The following PLCE1 variants were observed in gnomAD, a reference collection of about 807,000 sequenced individuals.
The protein encoded by PLCE1 is 1-phosphatidylinositol 4,5-bisphosphate phosphodiesterase epsilon-1.
Under a neutral mutation model 242.8 loss-of-function variants are expected in PLCE1, and 119 were observed. The observed-to-expected ratio is 0.49, with a 90% CI of 0.42 to 0.57. The LOEUF (loss-of-function observed/expected upper bound fraction) is 0.57, where lower values mean the gene tolerates loss of function less well. Ranked by LOEUF, PLCE1 falls within the 20% of genes least tolerant of loss-of-function variation. The probability of loss-of-function intolerance (pLI) is 0.00; values close to 1 mark genes in which losing one functional copy is unlikely to be tolerated. For missense variants in PLCE1, 2,441 were observed against 2,788.8 expected, an observed-to-expected ratio of 0.88 and a Z score of 2.81; for synonymous variants, 945 against 1,017.4, an observed-to-expected ratio of 0.93 and a Z score of 1.35.
chr10:94,048,912 G>T (rs1431483078), intron 2 of PLCE1, among the ~76,000 whole-genome samples: 1 of 151,134 alleles, frequency 6.6e-6, no homozygotes, highest in East Asian at 1.9e-4. Context: ...GGGACTACAG[G>T]CATGCATGCC....
chr10:94,209,615 T>C (rs2049270273), intron 4 of PLCE1, among the ~76,000 whole-genome samples: 1 of 152,194 alleles, frequency 6.6e-6, no homozygotes, highest in Non-Finnish European at 1.5e-5. Flanking sequence ...AATGTAGGTA[T>C]GTTCTATGAA....
chr10:94,275,326 C>T (rs2051902728), intron 19 of PLCE1, among the ~76,000 whole-genome samples: 1 of 152,126 alleles, frequency 6.6e-6, no homozygotes, highest in Non-Finnish European at 1.5e-5. Context: ...CTGTTCCTGA[C>T]AGGATATGGT....
intron 2 of PLCE1, among the ~76,000 whole-genome samples, chr10:94,115,167 T>C (rs1326450226): frequency 6.6e-6 from 1 of 151,850 alleles, no homozygotes; most frequent in African/African-American, 2.4e-5. Flanking sequence ...CAGTCTATCA[T>C]TGTTGGACAT....
rs1276570245 is a variant in PLCE1 at position 94,330,776 on chromosome 10, A to T, written c.*2833A>T. ...ATCTGATGTTGGCTGAAAATATTTA[A>T]GTTTTATTTAAAGCTTTCTGAATTA... On this transcript the variant is annotated 3_prime_UTR_variant, in exon 33 of 33. Transcript: ENST00000371380. The T allele has an allele frequency of 6.6e-6, 1 of 152,234 alleles. No homozygotes were observed. The highest frequency in any genetic ancestry group is 1.5e-5 in the Non-Finnish European group (1 of 68,042). The allele number at this position is 152,234 out of a possible 1,614,324, so 9.4% of individuals were successfully genotyped here. A position where few individuals can be genotyped will look rare whatever the true frequency, so the allele number is the denominator to read the frequency against.
intron 3 of PLCE1, among the ~76,000 whole-genome samples, chr10:94,160,447 C>T: frequency 6.6e-6 from 1 of 152,144 alleles, no homozygotes; most frequent in Non-Finnish European, 1.5e-5. Context: ...ATATACTTTG[C>T]CCACTTTTTG....
At chr10:94,247,615 C>G (rs1183624656) in intron 8 of PLCE1, among the ~76,000 whole-genome samples, 1 of 152,094 alleles carries the variant, frequency 6.6e-6, no homozygotes, top group Admixed American at 6.6e-5. Context: ...GGGTTAATTT[C>G]TTTAAGGTTG....
intron 2 of PLCE1, 69 bp from the exon 3 acceptor site, chr10:94,132,105 T>G: frequency 6.7e-7 from 1 of 1,493,224 alleles, no homozygotes. Flanking sequence ...TCTTGGCATT[T>G]TGTCAACAAG....
chr10:94,268,784 T>C (rs745382971), intron 16 of PLCE1, 145 bp from the exon 17 acceptor site: 6 of 672,448 alleles, frequency 8.9e-6, no homozygotes, highest in Non-Finnish European at 1.4e-5. Context: ...TTGGCAAAAA[T>C]GCCATGTTTG....
rs1405452061 is a variant in PLCE1, at chr10:94,324,440, C to A, written c.6593C>A (p.Thr2198Asn). 11 of 1,614,002 alleles carry A rather than the reference C, an allele frequency of 6.8e-6. No homozygotes were observed. Among genetic ancestry groups the A allele is most frequent in the Non-Finnish European group, 9.3e-6 (11 of 1,179,984 alleles). Residue 2198 changes from threonine (T) to asparagine (N), a missense_variant, in exon 31 of 33, where the codon ACC becomes AAC. Coordinates refer to ENST00000371380, the MANE Select transcript of PLCE1 (RefSeq NM_016341.4). ...TTGGAAGAGGTGGTGAAAGACACTA[C>A]CAACAAGAAGACTACCACACCAAAG... ...VLLEEVVKDTTNKKTTTPKSS... is the reference protein window; with the variant it reads ...VLLEEVVKDTNNKKTTTPKSS...
At chr10:94,089,416 T>A in intron 2 of PLCE1, 1 of 1,485,574 alleles carries the variant, frequency 6.7e-7, no homozygotes, top group Non-Finnish European at 9.1e-7. Flanking sequence ...CCAGTGTTCT[T>A]AATGCATGGA....
At chr10:94,088,355 T>G (rs964550870) in intron 2 of PLCE1, among the ~76,000 whole-genome samples, 1 of 152,230 alleles carries the variant, frequency 6.6e-6, no homozygotes, top group Non-Finnish European at 1.5e-5. Context: ...AGTCTCAAGC[T>G]AACCTCTAAT....
At position 94,030,813 on chromosome 10, in the gene PLCE1, T is replaced by C; in HGVS notation, c.-234T>C. The C allele has an allele frequency of 1.9e-6, 1 of 534,818 alleles. No homozygotes were observed. The highest frequency in any genetic ancestry group is 2.3e-5 in the South Asian group (1 of 44,190). The allele number at this position is 534,818 out of a possible 1,614,324, so 33.1% of individuals were successfully genotyped here. A position where few individuals can be genotyped will look rare whatever the true frequency, so the allele number is the denominator to read the frequency against. On this transcript the variant is annotated 5_prime_UTR_variant, in exon 2 of 33. Transcript: ENST00000371380. ...CAGGTAACAGAGGAAGGAAAATTGA[T>C]CTACCACCTTAAAACCCTGATCTAG...
At chr10:94,062,854 A>G (rs2044097197) in intron 2 of PLCE1, among the ~76,000 whole-genome samples, 1 of 151,660 alleles carries the variant, frequency 6.6e-6, no homozygotes, top group Non-Finnish European at 1.5e-5. Flanking sequence ...TCATGATGGG[A>G]CTCTTTAATC....
In PLCE1 at chr10:94,283,771, T is replaced by C; in HGVS notation, c.4796-19T>C. ...AGCATTGGGTTCGTTTTCACTGAAG[T>C]CTGCTAACTTATTTTCAGACAACAT... On this transcript the variant is annotated intron_variant, in intron 20 of 32. Coordinates refer to ENST00000371380, the MANE Select transcript of PLCE1 (RefSeq NM_016341.4). The C allele has an allele frequency of 6.2e-7, 1 of 1,608,134 alleles. No homozygotes were observed. The highest frequency in any genetic ancestry group is 8.5e-7 in the Non-Finnish European group (1 of 1,176,294).
Position 94,020,271 on chromosome 10 carries a change from G to A in PLCE1, c.-364-10412G>A, listed in dbSNP as rs183949979. Among the ~76,000 whole-genome samples, 18 of 152,058 alleles carry A rather than the reference G, an allele frequency of 1.2e-4. No individual in the cohort carries two copies. The East Asian group carries it at 2.3e-3, about 20-fold the overall frequency. Reference sequence around the variant, plus strand: ...GACTAATGATGTTGAATATCTTTTCGTGTACTTATAGACCATCTGTATTTC... The same window carrying A: ...GACTAATGATGTTGAATATCTTTTCATGTACTTATAGACCATCTGTATTTC... On this transcript the variant is annotated intron_variant, in intron 1 of 32. Transcript: ENST00000371380.
chr10:94,198,858 G>A (rs2048906743), intron 4 of PLCE1, among the ~76,000 whole-genome samples: 1 of 152,008 alleles, frequency 6.6e-6, no homozygotes, highest in Admixed American at 6.6e-5. Context: ...GACCAACCTG[G>A]GCAAATCCTC....
At chr10:94,099,785 G>A (rs372395689) in intron 2 of PLCE1, 1 of 152,232 alleles carries the variant, frequency 6.6e-6, no homozygotes, top group Non-Finnish European at 1.5e-5. Flanking sequence ...TGGTGAGAGA[G>A]GGGGCAGGGA....
chr10:94,288,178 C>T (rs2052526479), intron 22 of PLCE1, among the ~76,000 whole-genome samples: 1 of 152,142 alleles, frequency 6.6e-6, no homozygotes. Flanking sequence ...GCACCTGTCA[C>T]CCAAGTCGTG....
At chr10:94,127,361 A>T (rs2046464001) in intron 2 of PLCE1, among the ~76,000 whole-genome samples, 1 of 152,050 alleles carries the variant, frequency 6.6e-6, no homozygotes, top group Non-Finnish European at 1.5e-5. Flanking sequence ...TGGTTTCATT[A>T]TGTGTCTGGC....
Sources: allele counts gnomAD v4.1 joint callset (sites outside exome capture counted in the v4.1 genomes callset), GRCh38; gene constraint gnomAD v4.1.1; transcripts MANE v1.5; gene names NCBI Gene and HGNC (gene_info 2026-07-23, HGNC 2026-07-21).